ELP1: variants seen among roughly 807,000 people sequenced by gnomAD.
ELP1 encodes the protein elongator complex protein 1.
In ELP1, 131 loss-of-function variants were observed where a neutral mutation model predicts 183.2. That is an observed-to-expected ratio of 0.72 (90% CI 0.62 to 0.83). The LOEUF (loss-of-function observed/expected upper bound fraction) is 0.83. Among genes scored for constraint, ELP1 ranks in the 40% least tolerant of loss-of-function variants. ELP1 has a pLI of 0.00. For synonymous variants in ELP1, 555 were observed against 569.0 expected, an observed-to-expected ratio of 0.98 and a Z score of 0.35; for missense variants, 1,550 against 1,594.9, an observed-to-expected ratio of 0.97 and a Z score of 0.48.
At chr9:108,876,154 T>C (rs924856067) in intron 35 of ELP1, among the ~76,000 whole-genome samples, 1 of 152,070 alleles carries the variant, frequency 6.6e-6, no homozygotes, top group East Asian at 1.9e-4. Context: ...CATGCGCCTG[T>C]AGTCCCAGCT....
intron 8 of ELP1, 89 bp from the exon 9 acceptor site, chr9:108,917,759 A>G: frequency 8.3e-7 from 1 of 1,206,154 alleles, no homozygotes; most frequent in Non-Finnish European, 1.2e-6. Flanking sequence ...TCCAGCAAAC[A>G]TGAATGAATG....
chr9:108,896,402 T>G (rs1828547926), intron 25 of ELP1, 94 bp downstream of exon 25: 27 of 1,130,414 alleles, frequency 2.4e-5, no homozygotes, highest in Non-Finnish European at 3.5e-5. Flanking sequence ...CACAGAGTGA[T>G]AGCAGAAAAG....
rs33952302 is a variant in ELP1 at position 108,870,969 on chromosome 9, A to ATTTTTTT, written c.3932-1794_3932-1788dup. On this transcript the variant is annotated intron_variant, in intron 36 of 36. Coordinates refer to ENST00000374647, the MANE Select transcript of ELP1 (RefSeq NM_003640.5). ...CCTATCTTGAAATCCTTCATGCACC[A>ATTTTTTT]TTTTTTTTTTTTTTTTTTTTTTTTG... 2.5e-4 allele frequency among the ~76,000 whole-genome samples: 21 copies of ATTTTTTT among 83,564 alleles called. 1 individual carries two copies. The highest frequency in any genetic ancestry group is 4.0e-4 in the African/African-American group (8 of 20,214). The allele number at this position is 83,564 out of a possible 152,430, so 54.8% of individuals were successfully genotyped here.
chr9:108,875,046 C>G (rs1306132914), intron 35 of ELP1, 76 bp from the exon 36 acceptor site: 4 of 962,670 alleles, frequency 4.2e-6, no homozygotes, highest in Non-Finnish European at 6.8e-6. Flanking sequence ...GGCCAAATCC[C>G]TACCCCCAGA....
At chr9:108,917,248 AC>A (rs1428787563) in intron 9 of ELP1, among the ~76,000 whole-genome samples, 1 of 152,120 alleles carries the variant, frequency 6.6e-6, no homozygotes, top group African/African-American at 2.4e-5. Flanking sequence ...CGGGTGGATC[AC>A]CTGAGGTCAG....
In ELP1 at chr9:108,878,347, C is replaced by T. The variant is rs147644677; in HGVS notation, c.3701-198G>A. Among the ~76,000 whole-genome samples, 57 of 152,270 alleles carry T rather than the reference C, an allele frequency of 3.7e-4. 1 individual carries two copies. Among genetic ancestry groups the T allele is most frequent in the African/African-American group, 1.3e-3 (54 of 41,548 alleles). On this transcript the variant is annotated intron_variant, in intron 34 of 36. Coordinates refer to ENST00000374647, the MANE Select transcript of ELP1 (RefSeq NM_003640.5). ...AAAGAAAATCAAGCACGCTGGGGGG[C>T]CTACGCAGAAAGCAGTGTCCCACAA...
intron 3 of ELP1, 43 bp downstream of exon 3, chr9:108,929,726 G>A: frequency 1.9e-6 from 3 of 1,603,858 alleles, no homozygotes; most frequent in South Asian, 1.1e-5. Flanking sequence ...TAACCTATTT[G>A]AGGATGCTTG....
intron 10 of ELP1, among the ~76,000 whole-genome samples, chr9:108,913,653 T>C (rs12346679): frequency 0.11 from 17,161 of 151,920 alleles, 1,409 homozygotes; most frequent in African/African-American, 0.23. Flanking sequence ...TATATATATA[T>C]ATACATGTTT....
intron 22 of ELP1, among the ~76,000 whole-genome samples, chr9:108,898,139 A>C (rs538120056): frequency 1.6e-4 from 25 of 152,350 alleles, no homozygotes; most frequent in African/African-American, 5.8e-4. Context: ...TGCTTACTGG[A>C]CAATTCTCTC....
chr9:108,922,669 GA>G (rs1231498108), intron 6 of ELP1, among the ~76,000 whole-genome samples, 172 bp downstream of exon 6: 1 of 151,850 alleles, frequency 6.6e-6, no homozygotes, highest in Non-Finnish European at 1.5e-5. Context: ...CAATAACAAG[GA>G]AAAAAAGGAT....
chr9:108,891,906 T>C (rs1054480582), intron 27 of ELP1, among the ~76,000 whole-genome samples: 2 of 152,142 alleles, frequency 1.3e-5, no homozygotes, highest in African/African-American at 4.8e-5. Flanking sequence ...ACCATGGCCA[T>C]GCAGCAGGAA....
At chr9:108,899,783 CA>C in intron 20 of ELP1, 38 bp downstream of exon 20, 1 of 1,506,448 alleles carries the variant, frequency 6.6e-7, no homozygotes, top group South Asian at 1.1e-5. Context: ...ACACATAAAT[CA>C]CAAGCTAACT....
intron 12 of ELP1, among the ~76,000 whole-genome samples, 171 bp downstream of exon 12, chr9:108,910,839 A>AC (rs989808140): frequency 5.9e-5 from 9 of 151,854 alleles, no homozygotes; most frequent in South Asian, 2.1e-4. Context: ...TTAAAAAAAA[A>AC]AAAAACAAAA....
At chr9:108,898,282 A>G (rs1828631877) in intron 22 of ELP1, among the ~76,000 whole-genome samples, 1 of 152,220 alleles carries the variant, frequency 6.6e-6, no homozygotes, top group Non-Finnish European at 1.5e-5. Context: ...ATCAAGTGAA[A>G]TAATAATTCT....
intron 31 of ELP1, among the ~76,000 whole-genome samples, chr9:108,880,832 G>A (rs1343231616): frequency 6.6e-6 from 1 of 152,174 alleles, no homozygotes; most frequent in Non-Finnish European, 1.5e-5. Flanking sequence ...TACCTAAAGT[G>A]AATGACATAA....
In ELP1 at chr9:108,908,390, C is replaced by T; in HGVS notation, c.1375G>A (p.Ala459Thr). The change falls in exon 13 of 37, where the codon GCT becomes ACT. Residue 459 changes from alanine (A) to threonine (T), a missense_variant. Coordinates refer to ENST00000374647, the MANE Select transcript of ELP1 (RefSeq NM_003640.5). Reference protein sequence around the residue: ...SVYKCGDCPSADPTVKLGAVG... With the variant: ...SVYKCGDCPSTDPTVKLGAVG... The stretch of plus-strand genomic sequence containing the variant: ...GCTCCCAGTTTCACTGTAGGGTCAG[C>T]ACTTGGACAATCACCTGGAAAACAA... 6.2e-7 allele frequency: 1 copy of T among 1,613,988 alleles called. No homozygotes were observed. Among genetic ancestry groups the T allele is most frequent in the East Asian group, 2.2e-5 (1 of 44,880 alleles).
intron 6 of ELP1, among the ~76,000 whole-genome samples, chr9:108,920,461 T>C (rs1167785593): frequency 1.3e-5 from 2 of 152,110 alleles, no homozygotes; most frequent in African/African-American, 4.8e-5. Flanking sequence ...TTTGTATTTT[T>C]AGTAGAGATA....
At chr9:108,871,917 T>G (rs1371906142) in intron 36 of ELP1, among the ~76,000 whole-genome samples, 1 of 152,218 alleles carries the variant, frequency 6.6e-6, no homozygotes, top group South Asian at 2.1e-4. Flanking sequence ...TTCATAAATT[T>G]CCTTTTCTTT....
chr9:108,877,726 G>C (rs1025776980), intron 35 of ELP1, among the ~76,000 whole-genome samples: 2 of 152,116 alleles, frequency 1.3e-5, no homozygotes, highest in Admixed American at 1.3e-4. Flanking sequence ...TGAAGGCCAG[G>C]AGCAATCATG....
Sources: gnomAD v4.1 joint callset for allele counts (sites outside exome capture counted in the v4.1 genomes callset) on GRCh38, gnomAD v4.1.1 for gene constraint, MANE v1.5 for transcripts, NCBI Gene and HGNC (gene_info 2026-07-23, HGNC 2026-07-21) for gene names.